Variants in ANTXR1 observed in about 807,000 individuals in gnomAD.
ANTXR1 encodes anthrax toxin receptor 1.
Under a neutral mutation model 78.1 loss-of-function variants are expected in ANTXR1, and 19 were observed. The ratio of observed to expected loss-of-function variants is 0.24; its 90% CI spans 0.17 to 0.36. The LOEUF is 0.36. ANTXR1 is among the 10% of genes least tolerant of loss of function. ANTXR1 has a pLI of 1.00. For synonymous variants in ANTXR1, 273 were observed against 260.5 expected, an observed-to-expected ratio of 1.05 and a Z score of -0.46; for missense variants, 518 against 718.6, an observed-to-expected ratio of 0.72 and a Z score of 3.19.
At chr2:69,034,851 CA>C (rs2104046320) in intron 1 of ANTXR1, among the ~76,000 whole-genome samples, 1 of 152,262 alleles carries the variant, frequency 6.6e-6, no homozygotes, top group African/African-American at 2.4e-5. Flanking sequence ...AAGAGACTGA[CA>C]TGATAAATGG....
chr2:69,123,393 G>A (rs1334974383), intron 11 of ANTXR1, among the ~76,000 whole-genome samples: 2 of 152,154 alleles, frequency 1.3e-5, no homozygotes, highest in Non-Finnish European at 2.9e-5. Context: ...TGGAAGAGCT[G>A]GGCTCAATCC....
rs911373241 is a variant in ANTXR1, at chr2:69,248,529, CAGTGAGACACAAGATCTCTCTTTTACCAA to C, written c.*3048_*3076del. 4.6e-5 allele frequency: 7 copies of C among 152,606 alleles called. No individual in the cohort carries two copies. Among genetic ancestry groups the C allele is most frequent in the Non-Finnish European group, 5.9e-5 (4 of 68,044 alleles). 9.5% of individuals were successfully genotyped at this position (152,606 alleles called of 1,614,324 possible). ...CTTGCCTGAAGCTTGGTGCACCCTC[CAGTGAGACACAAGATCTCTCTTTTACCAA>C]AGTTGAGAACAGAGCTGGTGGATTA... On this transcript the variant is annotated 3_prime_UTR_variant, in exon 18 of 18. Transcript: ENST00000303714.
chr2:69,057,973 A>G (rs1670113970), intron 3 of ANTXR1, among the ~76,000 whole-genome samples: 1 of 152,234 alleles, frequency 6.6e-6, no homozygotes, highest in Admixed American at 6.5e-5. Context: ...CAGCCACAAC[A>G]TTCCCTAAGC....
chr2:69,213,041 A>C (rs1245363777), intron 17 of ANTXR1, among the ~76,000 whole-genome samples: 2 of 146,276 alleles, frequency 1.4e-5, no homozygotes, highest in East Asian at 2.0e-4. Context: ...TCCTGGCCTC[A>C]AGCAACCCTC....
intron 17 of ANTXR1, among the ~76,000 whole-genome samples, chr2:69,210,287 T>C (rs1292362891): frequency 6.6e-6 from 1 of 152,236 alleles, no homozygotes; most frequent in Non-Finnish European, 1.5e-5. Context: ...CAGATTGTCA[T>C]TATTTATCAC....
At chr2:69,179,511 G>A (rs1206982079) in intron 14 of ANTXR1, among the ~76,000 whole-genome samples, 19 of 140,420 alleles carry the variant, frequency 1.4e-4, no homozygotes, top group Non-Finnish European at 2.9e-4. Flanking sequence ...GTGACAGAGT[G>A]AGACCCTGTC....
chr2:69,135,863 T>G (rs1379521868), intron 12 of ANTXR1, among the ~76,000 whole-genome samples: 1 of 152,122 alleles, frequency 6.6e-6, no homozygotes, highest in Non-Finnish European at 1.5e-5. Context: ...AAGAATTTAA[T>G]TAAATATAAT....
chr2:69,087,853 T>A (rs1260411665), intron 8 of ANTXR1, among the ~76,000 whole-genome samples: 1 of 152,154 alleles, frequency 6.6e-6, no homozygotes, highest in Non-Finnish European at 1.5e-5. Context: ...CCATACAGTC[T>A]TGGCTGCTAA....
At chr2:69,046,448 T>C (rs977042274) in intron 3 of ANTXR1, among the ~76,000 whole-genome samples, 4 of 152,224 alleles carry the variant, frequency 2.6e-5, no homozygotes, top group African/African-American at 9.6e-5. Flanking sequence ...ACGTCACTAC[T>C]GCTAGTTTCC....
At chr2:69,152,288 A>G (rs1214769518) in intron 13 of ANTXR1, 24 bp downstream of exon 13, 1 of 1,609,502 alleles carries the variant, frequency 6.2e-7, no homozygotes, top group East Asian at 2.2e-5. Flanking sequence ...ACCTCAGGCC[A>G]TGCAAGGTGA....
intron 8 of ANTXR1, among the ~76,000 whole-genome samples, chr2:69,080,237 G>A (rs1395260071): frequency 6.6e-6 from 1 of 152,158 alleles, no homozygotes; most frequent in Non-Finnish European, 1.5e-5. Context: ...AAATCAGACA[G>A]AAATAATTAC....
At chr2:69,150,534 T>G (rs1023057914) in intron 12 of ANTXR1, among the ~76,000 whole-genome samples, 1 of 152,130 alleles carries the variant, frequency 6.6e-6, no homozygotes, top group South Asian at 2.1e-4. Context: ...AGAAAGAAAA[T>G]AGATTTTAAA....
chr2:69,231,186 T>C (rs1372595015), intron 17 of ANTXR1, among the ~76,000 whole-genome samples: 2 of 152,232 alleles, frequency 1.3e-5, no homozygotes, highest in Non-Finnish European at 2.9e-5. Flanking sequence ...ATGTACCACA[T>C]TTTCTTTATC....
chr2:69,152,867 A>G (rs1431647593), intron 13 of ANTXR1, among the ~76,000 whole-genome samples: 1 of 152,202 alleles, frequency 6.6e-6, no homozygotes, highest in East Asian at 1.9e-4. Context: ...CATCAGTGTC[A>G]TATGGAGTCA....
chr2:69,123,030 T>C lies in ANTXR1; in HGVS notation c.816T>C (p.Phe272=). Residue 272 remains phenylalanine, a synonymous_variant, in exon 11 of 18, where the codon TTT becomes TTC. Transcript: ENST00000303714. ...NDSVTLNEKP[F]SVEDTYLLCP... The stretch of plus-strand genomic sequence containing the variant: ...TCCTTTTTGCAGATGAGAAGCCCTT[T>C]TCTGTGGAAGATACTTATTTACTGT... 6.2e-7 allele frequency: 1 copy of C among 1,614,204 alleles called. No individual in the cohort carries two copies. The highest frequency in any genetic ancestry group is 8.5e-7 in the Non-Finnish European group (1 of 1,180,022).
chr2:69,112,229 A>G (rs1672012604), intron 10 of ANTXR1, among the ~76,000 whole-genome samples: 1 of 152,134 alleles, frequency 6.6e-6, no homozygotes, highest in Admixed American at 6.5e-5. Context: ...CTCCTGTATT[A>G]TCTCATTTCA....
intron 13 of ANTXR1, among the ~76,000 whole-genome samples, chr2:69,154,384 C>T (rs1367332926): frequency 6.6e-6 from 1 of 152,290 alleles, no homozygotes; most frequent in African/African-American, 2.4e-5. Context: ...GCTTGGTCTG[C>T]CCCCTAAAAC....
rs181100610 is a variant in ANTXR1 at position 69,223,079 on chromosome 2, G to T, written c.1435-22146G>T. Among the ~76,000 whole-genome samples, 7 of 152,290 alleles carry T rather than the reference G, an allele frequency of 4.6e-5. No individual in the cohort carries two copies. In the East Asian group the frequency reaches 1.4e-3, roughly 29 times the overall value. On this transcript the variant is annotated intron_variant, in intron 17 of 17. Coordinates refer to ENST00000303714, the MANE Select transcript of ANTXR1 (RefSeq NM_032208.3). Reference sequence around the variant, plus strand: ...TCCAGTGTGGAGAAGCAAGGAGCTGGCTCTCCTCCAGCCTGGAGTAGCTGT... The same window carrying T: ...TCCAGTGTGGAGAAGCAAGGAGCTGTCTCTCCTCCAGCCTGGAGTAGCTGT...
chr2:69,166,168 G>A (rs1418832300), intron 13 of ANTXR1, among the ~76,000 whole-genome samples: 1 of 152,208 alleles, frequency 6.6e-6, no homozygotes, highest in Admixed American at 6.5e-5. Context: ...TTGACTCAAT[G>A]AGAATTTGTC....
Sources: allele counts gnomAD v4.1 joint callset (sites outside exome capture counted in the v4.1 genomes callset), GRCh38; gene constraint gnomAD v4.1.1; transcripts MANE v1.5; gene names NCBI Gene and HGNC (gene_info 2026-07-23, HGNC 2026-07-21).